The following DMD variants were observed in gnomAD, a reference collection of about 807,000 sequenced individuals.
The protein encoded by DMD is mutant dystrophin.
Under a neutral mutation model 330.1 loss-of-function variants are expected in DMD, and 63 were observed. That is an observed-to-expected ratio of 0.19 (90% confidence interval 0.16 to 0.24). The LOEUF is 0.24. DMD is among the 10% of genes least tolerant of loss of function. The pLI, the probability that DMD is intolerant of heterozygous loss-of-function variation, is 1.00. For synonymous variants in DMD, 1,223 were observed against 959.8 expected (o/e 1.27, Z -5.07); for missense variants, 3,344 against 2,684.1 (o/e 1.25, Z -5.43).
At chrX:31,806,258 T>A (rs2092288831) in intron 50 of DMD, among the ~76,000 whole-genome samples, 1 of 111,706 alleles carries the variant, frequency 9.0e-6, no homozygotes, top group African/African-American at 3.3e-5. Context: ...AAGATTCAAA[T>A]GGCATCCCCT....
At chrX:32,697,848 C>T (rs1440750001) in intron 9 of DMD, 22 bp downstream of exon 9, 2 of 1,208,122 alleles carry the variant, frequency 1.7e-6, no homozygotes, top group Non-Finnish European at 2.2e-6. Flanking sequence ...GTTTGTACAA[C>T]AGAGAGTAAA....
At position 33,333,193 on chromosome X, in the gene DMD, G is replaced by T. The variant is rs772384799; in HGVS notation, c.7+6066C>A. Among the ~76,000 whole-genome samples, 4 of 111,374 alleles carry T rather than the reference G, an allele frequency of 3.6e-5. No homozygotes were observed. The Admixed American group carries it at 3.8e-4, about 11-fold the overall frequency. ...GACTTCAATTACATAAAATTGACTA[G>T]ATGGTTAAAAAACAATACTTTCACA... On this transcript the variant is annotated intron_variant, in intron 1 of 17. Transcript: ENST00000288447.
chrX:31,747,387 G>A lies in DMD; in HGVS notation c.7543-17639C>T, dbSNP rs574136683. On this transcript the variant is annotated intron_variant, in intron 51 of 78. Transcript: ENST00000357033. The stretch of plus-strand genomic sequence containing the variant: ...TACAATAGAATATATTTCCCTATAG[G>A]AGCACAGTGGCCTTTAACTCAGCTG... 3.6e-5 allele frequency among the ~76,000 whole-genome samples: 4 copies of A among 111,585 alleles called. No individual in the cohort carries two copies. In the South Asian group the frequency reaches 1.5e-3, roughly 42 times the overall value.
chrX:32,527,500 T>C (rs900108158), intron 17 of DMD, among the ~76,000 whole-genome samples: 1 of 110,408 alleles, frequency 9.1e-6, no homozygotes, highest in African/African-American at 3.3e-5. Flanking sequence ...GTGAAGGTTT[T>C]CTTGATCAAC....
chrX:31,472,819 C>G (rs531841956), intron 59 of DMD, among the ~76,000 whole-genome samples: 55 of 112,343 alleles, frequency 4.9e-4, no homozygotes, highest in African/African-American at 1.5e-3. Flanking sequence ...ATTGTAGGAA[C>G]TTTAAAGAAA....
intron 13 of DMD, chrX:32,583,667 C>G (rs940614863): frequency 9.0e-6 from 1 of 111,231 alleles, no homozygotes; most frequent in Non-Finnish European, 1.9e-5. Flanking sequence ...AAAGATGACA[C>G]CACAGAATAT....
At chrX:33,237,735 C>T (rs1299454997) in intron 1 of DMD, among the ~76,000 whole-genome samples, 5 of 111,911 alleles carry the variant, frequency 4.5e-5, no homozygotes, top group Non-Finnish European at 9.4e-5. Context: ...AATTTTTTCA[C>T]GATATACATC....
At chrX:32,760,869 T>C (rs1375547249) in intron 7 of DMD, among the ~76,000 whole-genome samples, 2 of 111,752 alleles carry the variant, frequency 1.8e-5, no homozygotes, top group African/African-American at 6.5e-5. Flanking sequence ...CCTCACATAA[T>C]GACATGATTT....
chrX:33,095,830 A>G (rs1414885028), intron 1 of DMD, among the ~76,000 whole-genome samples: 1 of 111,159 alleles, frequency 9.0e-6, no homozygotes, highest in African/African-American at 3.3e-5. Flanking sequence ...TATTTATCTA[A>G]CATATTTACA....
Position 32,045,526 on chromosome X carries a change from C to T in DMD, c.6439-77012G>A, listed in dbSNP as rs987541182. ...CTGCAGAATCATGAATCGATTAAAG[C>T]TCTTTTTAAAAATACATTACCCAGT... On this transcript the variant is annotated intron_variant, in intron 44 of 78. Coordinates refer to ENST00000357033, the MANE Select transcript of DMD (RefSeq NM_004006.3). 3.6e-5 allele frequency among the ~76,000 whole-genome samples: 4 copies of T among 110,091 alleles called. No homozygotes were observed. The Admixed American group carries it at 3.9e-4, about 11-fold the overall frequency.
At chrX:33,069,591 C>A (rs2148144884) in intron 1 of DMD, among the ~76,000 whole-genome samples, 1 of 111,787 alleles carries the variant, frequency 8.9e-6, no homozygotes, top group Non-Finnish European at 1.9e-5. Context: ...CAACATCTAT[C>A]TAAATTGAAG....
intron 1 of DMD, among the ~76,000 whole-genome samples, chrX:33,328,601 GCT>G: frequency 9.0e-6 from 1 of 111,326 alleles, no homozygotes; most frequent in Non-Finnish European, 1.9e-5. Flanking sequence ...CTCTATACTT[GCT>G]ATTAAAATTA....
chrX:31,559,949 T>A (rs941032337), intron 55 of DMD, among the ~76,000 whole-genome samples: 2 of 112,107 alleles, frequency 1.8e-5, no homozygotes, highest in African/African-American at 6.5e-5. Flanking sequence ...GCCAGCCACT[T>A]CCTTGTCTTT....
rs186857744 is a variant in DMD at position 32,555,019 on chromosome X, G to A, written c.1993-9685C>T. ...AGAAAGAAAGAAAAGCAAACTTCAG[G>A]CTAATATCATTGATGAACACTGATG... On this transcript the variant is annotated intron_variant, in intron 16 of 78. Transcript: ENST00000357033. Among the ~76,000 whole-genome samples the A allele has an allele frequency of 2.8e-4, 30 of 108,310 alleles. 2 individuals are homozygous for A. The highest frequency in any genetic ancestry group is 9.5e-3 in the Middle Eastern group (2 of 211). The allele number at this position is 108,310 out of a possible 115,157, so 94.1% of individuals were successfully genotyped here. A position where few individuals can be genotyped will look rare whatever the true frequency, so the allele number is the denominator to read the frequency against.
chrX:31,520,670 C>A (rs2072656522), intron 55 of DMD, among the ~76,000 whole-genome samples: 1 of 110,847 alleles, frequency 9.0e-6, no homozygotes, highest in Admixed American at 9.6e-5. Context: ...TGCCATGATG[C>A]AATGTTCTTT....
At chrX:32,748,649 AAGTC>A (rs755589564) in intron 7 of DMD, among the ~76,000 whole-genome samples, 223 of 112,271 alleles carry the variant, frequency 2.0e-3, no homozygotes, top group African/African-American at 6.7e-3. Context: ...GGTATTAGGT[AAGTC>A]AGTAAGTATA....
At chrX:31,378,809 C>T (rs1427798245) in intron 60 of DMD, among the ~76,000 whole-genome samples, 1 of 110,344 alleles carries the variant, frequency 9.1e-6, no homozygotes, top group Non-Finnish European at 1.9e-5. Flanking sequence ...CTCCCTTAGC[C>T]TGTGCTCTCA....
intron 2 of DMD, among the ~76,000 whole-genome samples, chrX:32,985,448 G>A (rs1444711833): frequency 1.8e-5 from 2 of 111,313 alleles, no homozygotes; most frequent in East Asian, 5.6e-4. Flanking sequence ...TTAAGAGTTT[G>A]GGATTATTTT....
chrX:32,794,776 C>T (rs1221886715), intron 7 of DMD, among the ~76,000 whole-genome samples: 1 of 111,516 alleles, frequency 9.0e-6, no homozygotes, highest in South Asian at 3.7e-4. Flanking sequence ...AAAGCTAAAC[C>T]CTCACCAGAA....
Sources: allele counts gnomAD v4.1 joint callset (sites outside exome capture counted in the v4.1 genomes callset), GRCh38; gene constraint gnomAD v4.1.1; transcripts MANE v1.5; gene names NCBI Gene and HGNC (gene_info 2026-07-23, HGNC 2026-07-21).